BCO1: variants seen among roughly 807,000 people sequenced by gnomAD.
BCO1 encodes beta,beta-carotene 15,15'-dioxygenase.
Under a neutral mutation model 56.3 loss-of-function variants are expected in BCO1, and 54 were observed. The observed-to-expected ratio is 0.96, with a 90% confidence interval of 0.77 to 1.20. BCO1 has a LOEUF of 1.20. Among genes scored for constraint, BCO1 ranks in the 50% most tolerant of loss-of-function variants. BCO1 has a pLI of 0.00. For missense variants in BCO1, 801 were observed against 690.9 expected (o/e 1.16, Z -1.79); for synonymous variants, 318 against 266.1 (o/e 1.20, Z -1.90).
chr16:81,240,460 C>G (rs562168432), intron 1 of BCO1, among the ~76,000 whole-genome samples: 1 of 152,268 alleles, frequency 6.6e-6, no homozygotes, highest in Non-Finnish European at 1.5e-5. Flanking sequence ...GGTCCCAGCA[C>G]TTTCGGAGGC....
chr16:81,274,743 T>C (rs1188423809), intron 7 of BCO1, among the ~76,000 whole-genome samples: 1 of 152,134 alleles, frequency 6.6e-6, no homozygotes, highest in Non-Finnish European at 1.5e-5. Context: ...CTTGGCGTGG[T>C]GGCCCCTGCC....
rs148396707 is a variant in BCO1 at position 81,243,564 on chromosome 16, G to A, written c.65-1911G>A. Among the ~76,000 whole-genome samples the A allele has an allele frequency of 3.2e-3, 489 of 152,232 alleles. 1 individual carries two copies. The highest frequency in any genetic ancestry group is 0.011 in the African/African-American group (450 of 41,532). On this transcript the variant is annotated intron_variant, in intron 1 of 10. Transcript: ENST00000258168. ...GCTCACTGCAACCTCCCCCTTCCGG[G>A]TTTAAGCAATTCTCCTGTCTCAGCC...
intron 9 of BCO1, 50 bp from the exon 10 acceptor site, chr16:81,287,245 G>C: frequency 6.1e-6 from 8 of 1,308,458 alleles, no homozygotes; most frequent in African/African-American, 1.4e-5. Context: ...GCAGAGAATA[G>C]TATTCTCTCA....
chr16:81,262,347 G>A (rs769717305), intron 4 of BCO1, 64 bp downstream of exon 4: 141 of 1,558,324 alleles, frequency 9.0e-5, no homozygotes, highest in Non-Finnish European at 1.2e-4. Flanking sequence ...GGCGACGGCC[G>A]GGGTGAGGTT....
intron 2 of BCO1, among the ~76,000 whole-genome samples, chr16:81,259,074 T>C (rs553539267): frequency 1.3e-5 from 2 of 152,236 alleles, no homozygotes; most frequent in South Asian, 4.1e-4. Flanking sequence ...AGACACCTCC[T>C]CCTAGGCCCA....
chr16:81,254,541 G>T (rs1027873169), intron 2 of BCO1, among the ~76,000 whole-genome samples: 1 of 151,230 alleles, frequency 6.6e-6, no homozygotes, highest in Non-Finnish European at 1.5e-5. Flanking sequence ...AGGACAACAA[G>T]CCTGAGCCAC....
intron 7 of BCO1, among the ~76,000 whole-genome samples, chr16:81,271,047 T>G (rs112307128): frequency 6.5e-4 from 99 of 152,178 alleles, no homozygotes; most frequent in African/African-American, 2.2e-3. Flanking sequence ...CCTGGCTGTC[T>G]TACATAATTT....
At chr16:81,255,534 C>T (rs1232174290) in intron 2 of BCO1, among the ~76,000 whole-genome samples, 5 of 151,186 alleles carry the variant, frequency 3.3e-5, no homozygotes, top group Non-Finnish European at 1.5e-5. Flanking sequence ...GAGTCTCGCT[C>T]TGTTGCCCAG....
At chr16:81,252,230 T>C (rs556827132) in intron 2 of BCO1, among the ~76,000 whole-genome samples, 1 of 151,880 alleles carries the variant, frequency 6.6e-6, no homozygotes, top group African/African-American at 2.4e-5. Context: ...TCTTTTCTTG[T>C]GTGTGTGGGT....
At position 81,238,932 on chromosome 16, in the gene BCO1, T is replaced by A. The variant is rs746577332; in HGVS notation, c.24T>A (p.Asn8Lys). 9 of 1,613,906 alleles carry A rather than the reference T, an allele frequency of 5.6e-6. No individual in the cohort carries two copies. Among genetic ancestry groups the A allele is most frequent in the African/African-American group, 4.0e-5 (3 of 74,898 alleles). Residue 8 changes from asparagine (N) to lysine (K), a missense_variant, in exon 1 of 11, where the codon AAT becomes AAA. Physicochemically the swap from Asn to Lys is moderately conservative, Grantham distance 94. Transcript: ENST00000258168. MDIIFGR[N>K]RKEQLEPVRA... ...CAATGGATATAATATTTGGCAGGAA[T>A]AGGAAAGAACAGCTGGAGCCTGTGA...
At chr16:81,242,794 C>T (rs77535051) in intron 1 of BCO1, among the ~76,000 whole-genome samples, 5,028 of 152,186 alleles carry the variant, frequency 0.033, 106 homozygotes, top group African/African-American at 0.07. Flanking sequence ...GGAACCGGGC[C>T]GCACAGCATT....
At chr16:81,282,061 G>C (rs1907913205) in intron 8 of BCO1, among the ~76,000 whole-genome samples, 1 of 152,232 alleles carries the variant, frequency 6.6e-6, no homozygotes, top group African/African-American at 2.4e-5. Flanking sequence ...GACTCAGCTA[G>C]AGAGTGGGAC....
chr16:81,265,293 C>T (rs1906742235), intron 5 of BCO1, among the ~76,000 whole-genome samples: 1 of 150,790 alleles, frequency 6.6e-6, no homozygotes, highest in Non-Finnish European at 1.5e-5. Context: ...ATTCACCCAC[C>T]TACCCATCCA....
chr16:81,242,791 G>A (rs1166128250), intron 1 of BCO1, among the ~76,000 whole-genome samples: 1 of 152,106 alleles, frequency 6.6e-6, no homozygotes. Flanking sequence ...TTAGGAACCG[G>A]GCCGCACAGC....
chr16:81,277,716 T>C (rs1223978892), intron 7 of BCO1, among the ~76,000 whole-genome samples: 1 of 152,156 alleles, frequency 6.6e-6, no homozygotes, highest in Non-Finnish European at 1.5e-5. Flanking sequence ...CCCTTAAGTG[T>C]CGGGATTTCA....
chr16:81,273,081 T>C (rs545127970), intron 7 of BCO1, among the ~76,000 whole-genome samples: 1 of 152,156 alleles, frequency 6.6e-6, no homozygotes, highest in Non-Finnish European at 1.5e-5. Context: ...GCGATTCTCC[T>C]GTCTCAGTTT....
intron 2 of BCO1, among the ~76,000 whole-genome samples, chr16:81,246,845 T>C (rs915191415): frequency 8.5e-5 from 7 of 82,384 alleles, no homozygotes; most frequent in African/African-American, 2.2e-4. Flanking sequence ...AGCCAGACTT[T>C]GTCTCAAAAA....
intron 7 of BCO1, among the ~76,000 whole-genome samples, chr16:81,270,670 C>T (rs1350169570): frequency 7.0e-6 from 1 of 142,424 alleles, no homozygotes; most frequent in East Asian, 2.1e-4. Flanking sequence ...ATATGTTTGT[C>T]TCCCAGTCTC....
intron 1 of BCO1, among the ~76,000 whole-genome samples, chr16:81,242,028 G>C (rs565140245): frequency 6.6e-6 from 1 of 152,114 alleles, no homozygotes; most frequent in African/African-American, 2.4e-5. Context: ...ACAGTGGCTG[G>C]TGTATGAATG....
Sources: gnomAD v4.1 joint callset for allele counts (sites outside exome capture counted in the v4.1 genomes callset) on GRCh38, gnomAD v4.1.1 for gene constraint, MANE v1.5 for transcripts, NCBI Gene and HGNC (gene_info 2026-07-23, HGNC 2026-07-21) for gene names.